The following RPTOR variants were observed in gnomAD, a reference collection of about 807,000 sequenced individuals.
The protein encoded by RPTOR is regulatory-associated protein of mTOR.
Under a neutral mutation model 169.9 loss-of-function variants are expected in RPTOR, and 21 were observed. The ratio of observed to expected loss-of-function variants is 0.12; its 90% CI spans 0.09 to 0.18. RPTOR has a LOEUF of 0.18. Among genes scored for constraint, RPTOR ranks in the 10% least tolerant of loss-of-function variants. RPTOR has a pLI of 1.00. For synonymous variants in RPTOR, 732 were observed against 753.2 expected (o/e 0.97, Z 0.46); for missense variants, 1,133 against 1,855.9 (o/e 0.61, Z 7.16).
intron 2 of RPTOR, among the ~76,000 whole-genome samples, chr17:80,642,640 A>G (rs897881299): frequency 6.6e-6 from 1 of 152,260 alleles, no homozygotes; most frequent in East Asian, 1.9e-4. Flanking sequence ...TTTTAATGTC[A>G]TAGCATACAA....
At chr17:80,956,481 C>G (rs1201955095) in intron 28 of RPTOR, among the ~76,000 whole-genome samples, 1 of 152,256 alleles carries the variant, frequency 6.6e-6, no homozygotes, top group South Asian at 2.1e-4. Flanking sequence ...GGAGTCAGCC[C>G]CTTGCTGTCT....
chr17:80,915,166 A>G (rs1339366542), intron 21 of RPTOR, among the ~76,000 whole-genome samples: 1,327 of 91,268 alleles, frequency 0.015, no homozygotes, highest in Middle Eastern at 0.098. Context: ...TCTGCTGAGA[A>G]CTGAGCAGAC....
intron 2 of RPTOR, among the ~76,000 whole-genome samples, chr17:80,637,877 C>G (rs2065520191): frequency 6.6e-6 from 1 of 152,258 alleles, no homozygotes; most frequent in Admixed American, 6.5e-5. Context: ...CGTGATCGCC[C>G]TTGGCGGCGG....
chr17:80,807,501 C>T (rs1291550349), intron 7 of RPTOR, among the ~76,000 whole-genome samples: 4 of 152,138 alleles, frequency 2.6e-5, no homozygotes, highest in Non-Finnish European at 5.9e-5. Context: ...CAGGCACACA[C>T]CACCACACCT....
intron 21 of RPTOR, among the ~76,000 whole-genome samples, chr17:80,914,589 A>G (rs949161940): frequency 2.6e-5 from 4 of 152,148 alleles, no homozygotes; most frequent in Non-Finnish European, 4.4e-5. Flanking sequence ...ACCCACTTCA[A>G]TCTCGGAGCA....
intron 5 of RPTOR, among the ~76,000 whole-genome samples, chr17:80,734,694 T>C (rs1399549150): frequency 2.0e-5 from 3 of 151,972 alleles, no homozygotes; most frequent in Non-Finnish European, 2.9e-5. Flanking sequence ...CAGGAGGAAA[T>C]GGGGAAGGGG....
At chr17:80,902,906 A>C (rs1186137341) in intron 20 of RPTOR, among the ~76,000 whole-genome samples, 1 of 152,238 alleles carries the variant, frequency 6.6e-6, no homozygotes, top group Non-Finnish European at 1.5e-5. Flanking sequence ...CTGAGAGGCG[A>C]GGCGGGAGTT....
At chr17:80,840,625 T>A (rs2067625771) in intron 10 of RPTOR, among the ~76,000 whole-genome samples, 1 of 70,168 alleles carries the variant, frequency 1.4e-5, no homozygotes, top group Non-Finnish European at 3.2e-5. Context: ...ACACCACAGC[T>A]CACTCTCACC....
intron 13 of RPTOR, among the ~76,000 whole-genome samples, chr17:80,866,618 T>C (rs2067994899): frequency 6.6e-6 from 1 of 152,178 alleles, no homozygotes; most frequent in Non-Finnish European, 1.5e-5. Flanking sequence ...CATGAAAGAT[T>C]CTAGGGATAT....
intron 13 of RPTOR, among the ~76,000 whole-genome samples, chr17:80,879,414 A>G (rs953807460): frequency 4.8e-4 from 3 of 6,212 alleles, no homozygotes; most frequent in African/African-American, 1.3e-3. Context: ...CCCTGCCCCC[A>G]CCTGCCCTGC....
chr17:80,689,566 G>A (rs2065974119), intron 3 of RPTOR, among the ~76,000 whole-genome samples: 1 of 152,264 alleles, frequency 6.6e-6, no homozygotes, highest in Non-Finnish European at 1.5e-5. Flanking sequence ...TAGCGAGGAA[G>A]CGCAAAAGCA....
At chr17:80,555,178 T>G (rs1487939399) in intron 1 of RPTOR, among the ~76,000 whole-genome samples, 9 of 152,158 alleles carry the variant, frequency 5.9e-5, no homozygotes, top group Non-Finnish European at 1.3e-4. Context: ...TGGTCAGAAA[T>G]GTCAGGCAGG....
chr17:80,695,953 A>G lies in RPTOR; in HGVS notation c.349-11888A>G, dbSNP rs1397035857. Among the ~76,000 whole-genome samples the G allele has an allele frequency of 1.3e-5, 2 of 152,198 alleles. No individual in the cohort carries two copies. The highest frequency in any genetic ancestry group is 6.5e-5 in the Admixed American group (1 of 15,282). On this transcript the variant is annotated intron_variant, in intron 3 of 33. Transcript: ENST00000306801. This position sits in a 1 kb window ranked among gnomAD's most constrained non-coding sequence, Gnocchi z 4.9. ...ACCCATCTTTCTGTGAAGAGTTTGC[A>G]GAGGATGCTGGTTACATCTTAGATG... is the stretch of plus-strand genomic sequence containing the variant.
chr17:80,602,670 G>A (rs2065198779), intron 1 of RPTOR: 11 of 705,182 alleles, frequency 1.6e-5, no homozygotes, highest in Non-Finnish European at 2.4e-5. Context: ...GGATAACCAC[G>A]CACGGATGCG....
chr17:80,932,248 G>A (rs2068907239), intron 24 of RPTOR, among the ~76,000 whole-genome samples: 1 of 151,918 alleles, frequency 6.6e-6, no homozygotes, highest in Non-Finnish European at 1.5e-5. Flanking sequence ...GCTCACACCT[G>A]TTATCCCAGC....
At chr17:80,763,772 A>G (rs545489732) in intron 6 of RPTOR, among the ~76,000 whole-genome samples, 21 of 152,252 alleles carry the variant, frequency 1.4e-4, no homozygotes, top group Non-Finnish European at 3.1e-4. Context: ...ACCACACGCA[A>G]TGAAGCTAGA....
At chr17:80,634,134 ATACTGTGTGCGTGTGCG>A (rs1328276466) in intron 2 of RPTOR, among the ~76,000 whole-genome samples, 2 of 138,570 alleles carry the variant, frequency 1.4e-5, no homozygotes, top group African/African-American at 2.7e-5. Context: ...GTGTGTGTGC[ATACTGTGTGCGTGTGCG>A]TACTGTGTGT....
intron 1 of RPTOR, among the ~76,000 whole-genome samples, chr17:80,574,294 A>C (rs2143324767): frequency 6.7e-6 from 1 of 150,030 alleles, no homozygotes; most frequent in East Asian, 2.0e-4. Context: ...CCTCCCGAGT[A>C]GCTGGGACTA....
At chr17:80,818,218 G>A (rs2067343985) in intron 7 of RPTOR, among the ~76,000 whole-genome samples, 2 of 152,168 alleles carry the variant, frequency 1.3e-5, no homozygotes, top group South Asian at 4.1e-4. Flanking sequence ...AGCACGGCTG[G>A]GACCAGCGCT....
Sources: allele counts gnomAD v4.1 joint callset (sites outside exome capture counted in the v4.1 genomes callset), GRCh38; gene constraint gnomAD v4.1.1; non-coding constraint Gnocchi (gnomAD v3.1); transcripts MANE v1.5; gene names NCBI Gene and HGNC (gene_info 2026-07-23, HGNC 2026-07-21).